ZMYM6: variants seen among roughly 807,000 people sequenced by gnomAD.
ZMYM6 encodes zinc finger MYM-type protein 6.
A neutral mutation model predicts 134.0 loss-of-function variants in ZMYM6; 90 were observed. That is an observed-to-expected ratio of 0.67 (90% CI 0.57 to 0.80). ZMYM6 has a LOEUF of 0.80. Among genes scored for constraint, ZMYM6 ranks in the 30% least tolerant of loss-of-function variants. The pLI is 0.00. For synonymous variants in ZMYM6, 481 were observed against 524.1 expected, an observed-to-expected ratio of 0.92 and a Z score of 1.12; for missense variants, 1,362 against 1,533.9, an observed-to-expected ratio of 0.89 and a Z score of 1.87.
rs1569783718 is a variant in ZMYM6, at chr1:35,017,147, A to T, written c.429-1985T>A. 4.6e-5 allele frequency: 7 copies of T among 152,368 alleles called. No individual in the cohort carries two copies. The South Asian group carries it at 1.4e-3, about 32-fold the overall frequency. The allele number at this position is 152,368 out of a possible 1,614,324, so 9.4% of individuals were successfully genotyped here. A position where few individuals can be genotyped will look rare whatever the true frequency, so the allele number is the denominator to read the frequency against. On this transcript the variant is annotated intron_variant, in intron 4 of 15. Coordinates refer to ENST00000357182, the MANE Select transcript of ZMYM6 (RefSeq NM_007167.4). Reference sequence around the variant, plus strand: ...GGCAATAAAGCTGAAATACTAATCCAGGCAATCTGATTCTAGTCTATGGAA... The same window carrying T: ...GGCAATAAAGCTGAAATACTAATCCTGGCAATCTGATTCTAGTCTATGGAA...
chr1:34,988,257 A>C lies in ZMYM6; in HGVS notation c.2825T>G (p.Leu942Ter). 1 of 1,550,366 alleles carries C rather than the reference A, an allele frequency of 6.5e-7. No individual in the cohort carries two copies. The highest frequency in any genetic ancestry group is 8.7e-7 in the Non-Finnish European group (1 of 1,146,256). Reference sequence around the variant, plus strand: ...AGTAGGCATTTCAATGCAAAATAATAATTCTTCTTTTACATCACGACAATC... The same window carrying C: ...AGTAGGCATTTCAATGCAAAATAATCATTCTTCTTTTACATCACGACAATC... ...DYDCRDVKEE[L>*]LFCIEMPTQI... Residue 942 changes from leucine (L) to a stop codon, truncating the protein, a stop_gained, in exon 16 of 16, where the codon TTA (leucine) becomes TGA (stop). Transcript: ENST00000357182. LOFTEE classifies it high-confidence loss of function.
intron 14 of ZMYM6, among the ~76,000 whole-genome samples, chr1:34,994,006 CAA>C (rs56728803): frequency 5.4e-4 from 72 of 133,404 alleles, no homozygotes; most frequent in African/African-American, 1.6e-3. Context: ...TTTTTTAATC[CAA>C]AAAAAAAAAA....
At chr1:35,020,503 A>AATACAATG (rs756803715) in intron 2 of ZMYM6, 36 bp from the exon 3 acceptor site, 1 of 1,509,190 alleles carries the variant, frequency 6.6e-7, no homozygotes, top group Non-Finnish European at 9.0e-7. Flanking sequence ...AAGAGCAATG[A>AATACAATG]ATACAATGTA....
rs776206955 is a variant in ZMYM6 at position 35,011,985 on chromosome 1, T to C, written c.967A>G (p.Ser323Gly). 6 of 1,606,306 alleles carry C rather than the reference T, an allele frequency of 3.7e-6. No homozygotes were observed. The highest frequency in any genetic ancestry group is 5.1e-6 in the Non-Finnish European group (6 of 1,175,378). Residue 323 changes from serine to glycine, a missense_variant, in exon 8 of 16, where the codon AGT (serine) becomes GGT (glycine). This residue lies in a region of ZMYM6 where 503 missense variants were observed against 520.8 expected (regional missense o/e 0.97). Transcript: ENST00000357182. Reference sequence around the variant, plus strand: ...TGAGGGATTGCTGAGGTTTTACAACTATGACATGAAACCTGGACACCTTGG... The same window carrying C: ...TGAGGGATTGCTGAGGTTTTACAACCATGACATGAAACCTGGACACCTTGG... Reference protein sequence around the residue: ...TSSGVQVSCHSCKTSAIPQYH... With the variant: ...TSSGVQVSCHGCKTSAIPQYH...
intron 14 of ZMYM6, among the ~76,000 whole-genome samples, chr1:34,996,291 G>C (rs978574546): frequency 2.0e-5 from 3 of 151,870 alleles, no homozygotes; most frequent in African/African-American, 7.3e-5. Flanking sequence ...CTTTAGTGTA[G>C]TTAGATATTT....
At chr1:35,001,941 T>A (rs1173650668) in intron 14 of ZMYM6, among the ~76,000 whole-genome samples, 3 of 152,254 alleles carry the variant, frequency 2.0e-5, no homozygotes, top group Non-Finnish European at 4.4e-5. Flanking sequence ...TTCTTTTTTT[T>A]ATCACTGAGG....
chr1:35,030,569 T>G lies in ZMYM6; in HGVS notation c.71A>C (p.Lys24Thr). 1 of 1,612,934 alleles carries G rather than the reference T, an allele frequency of 6.2e-7. No homozygotes were observed. Among genetic ancestry groups the G allele is most frequent in the Non-Finnish European group, 8.5e-7 (1 of 1,179,890 alleles). The change falls in exon 2 of 16, where the codon AAA becomes ACA. Residue 24 changes from lysine to threonine, a missense_variant. Lys to Thr is a moderately conservative substitution (Grantham distance 78, BLOSUM62 -1). Coordinates refer to ENST00000357182, the MANE Select transcript of ZMYM6 (RefSeq NM_007167.4). ...VPQQELLDKI[K>T]EEPDNAQEYG... The stretch of plus-strand genomic sequence containing the variant: ...TACTTGAGCATTGTCTGGTTCTTCT[T>G]TAATTTTGTCCAGAAGCTCCTGCTG...
rs572297903 is a variant in ZMYM6, at chr1:34,990,135, T to C, written c.2147-1200A>G. The C allele has an allele frequency of 2.8e-3, 467 of 167,450 alleles. 4 individuals carry two copies. Among genetic ancestry groups the C allele is most frequent in the South Asian group, 0.02 (135 of 6,666 alleles). The allele number at this position is 167,450 out of a possible 1,614,324, so 10.4% of individuals were successfully genotyped here. On this transcript the variant is annotated intron_variant, in intron 15 of 15. Transcript: ENST00000357182. Reference sequence around the variant, plus strand: ...TGAACACTGCTGGTTGGAGCATACATTGATGTAACTTTTCAGGAGGGCAAT... The same window carrying C: ...TGAACACTGCTGGTTGGAGCATACACTGATGTAACTTTTCAGGAGGGCAAT...
At chr1:35,006,816 T>A in intron 12 of ZMYM6, 135 bp downstream of exon 12, 1 of 943,272 alleles carries the variant, frequency 1.1e-6, no homozygotes, top group Non-Finnish European at 1.4e-6. Context: ...TAAAGACTTC[T>A]TAAAGAAAAA....
At chr1:35,004,267 A>T (rs1209740880) in intron 13 of ZMYM6, among the ~76,000 whole-genome samples, 1 of 152,168 alleles carries the variant, frequency 6.6e-6, no homozygotes, top group Non-Finnish European at 1.5e-5. Flanking sequence ...CTCCTAAAAA[A>T]ATATCACTTC....
At chr1:35,012,944 G>T in intron 6 of ZMYM6, 3 of 985,018 alleles carry the variant, frequency 3.0e-6, no homozygotes, top group Non-Finnish European at 3.6e-6. Context: ...CAATCTAGAA[G>T]AGTCTACCAC....
intron 2 of ZMYM6, among the ~76,000 whole-genome samples, chr1:35,027,168 G>T (rs928107957): frequency 6.6e-6 from 1 of 152,194 alleles, no homozygotes; most frequent in African/African-American, 2.4e-5. Flanking sequence ...CCGAGTTTTA[G>T]AAGATAGTTT....
chr1:35,025,679 T>A lies in ZMYM6; in HGVS notation c.93+4868A>T, dbSNP rs564644088. Among the ~76,000 whole-genome samples, 57 of 152,232 alleles carry A rather than the reference T, an allele frequency of 3.7e-4. 1 individual carries two copies. The South Asian group carries it at 0.012, about 32-fold the overall frequency. ...CTATCAATTACCTTGAGAGCAGAAG[T>A]CCTATCTTTTCATCTCTGTAGCCTT... On this transcript the variant is annotated intron_variant, in intron 2 of 15. Transcript: ENST00000357182.
rs1640578105 is a variant in ZMYM6 at position 34,986,364 on chromosome 1, G to A, written c.*740C>T. 1 of 152,160 alleles carries A rather than the reference G, an allele frequency of 6.6e-6. No homozygotes were observed. Among genetic ancestry groups the A allele is most frequent in the Admixed American group, 6.5e-5 (1 of 15,280 alleles). The allele number at this position is 152,160 out of a possible 1,614,324, so 9.4% of individuals were successfully genotyped here. A position where few individuals can be genotyped will look rare whatever the true frequency, so the allele number is the denominator to read the frequency against. ...ATTGGGCCAGAAAGGCCCCAAGCAG[G>A]GGTCTCAAATCCCCCTGCTGCTTCC... On this transcript the variant is annotated 3_prime_UTR_variant, in exon 16 of 16. Transcript: ENST00000357182.
intron 6 of ZMYM6, chr1:35,013,212 TCAA>T (rs1245634035): frequency 5.7e-6 from 4 of 703,936 alleles, no homozygotes; most frequent in Non-Finnish European, 7.0e-6. Context: ...CAGAAACCTT[TCAA>T]CAACAGAGTG....
chr1:35,012,855 T>A, intron 6 of ZMYM6: 7 of 985,432 alleles, frequency 7.1e-6, no homozygotes, highest in Non-Finnish European at 8.4e-6. Flanking sequence ...AGTCATTACA[T>A]ACTTTTTAAT....
intron 6 of ZMYM6, chr1:35,013,318 T>C: frequency 1.1e-6 from 1 of 945,958 alleles, no homozygotes; most frequent in Non-Finnish European, 1.3e-6. Flanking sequence ...GGCTCCAAAG[T>C]TCAGGCTCCT....
At chr1:35,025,007 C>G (rs191810067) in intron 2 of ZMYM6, among the ~76,000 whole-genome samples, 1 of 152,064 alleles carries the variant, frequency 6.6e-6, no homozygotes, top group African/African-American at 2.4e-5. Context: ...TAGCTGAGAT[C>G]ACAGGCATGT....
chr1:35,019,660 GTCTCTCTC>G, intron 3 of ZMYM6, 58 bp from the exon 4 acceptor site: 1 of 1,460,474 alleles, frequency 6.8e-7, no homozygotes, highest in African/African-American at 1.4e-5. Context: ...TACAGTCTCA[GTCTCTCTC>G]TCTCTCTCTC....
Sources: allele counts gnomAD v4.1 joint callset (sites outside exome capture counted in the v4.1 genomes callset), GRCh38; gene constraint gnomAD v4.1.1; regional missense constraint gnomAD v4.1.1; transcripts MANE v1.5; gene names NCBI Gene and HGNC (gene_info 2026-07-23, HGNC 2026-07-21).